HERC2: variants seen among roughly 807,000 people sequenced by gnomAD.
The protein encoded by HERC2 is HECT and RLD domain containing E3 ubiquitin protein ligase 2, also known as E3 ubiquitin-protein ligase HERC2.
Under a neutral mutation model 537.7 loss-of-function variants are expected in HERC2, and 102 were observed. The observed-to-expected ratio is 0.19, with a 90% CI of 0.16 to 0.22. The LOEUF (loss-of-function observed/expected upper bound fraction) is 0.22, where lower values mean the gene tolerates loss of function less well. Among genes scored for constraint, HERC2 ranks in the 10% least tolerant of loss-of-function variants. The pLI, the probability that HERC2 is intolerant of heterozygous loss-of-function variation, is 1.00. For missense variants in HERC2, 4,236 were observed against 6,198.2 expected, an observed-to-expected ratio of 0.68 and a Z score of 10.63; for synonymous variants, 2,224 against 2,466.2, an observed-to-expected ratio of 0.90 and a Z score of 2.91.
chr15:28,321,622 T>G (rs2077232131), intron 1 of HERC2, among the ~76,000 whole-genome samples, 158 bp from the exon 2 acceptor site: 2 of 121,976 alleles, frequency 1.6e-5, no homozygotes, highest in Admixed American at 7.9e-5. Context: ...AGGGAAGAGA[T>G]GGAGGGAGAG....
At chr15:28,233,825 C>G in intron 27 of HERC2, 29 bp from the exon 28 acceptor site, 1 of 1,611,300 alleles carries the variant, frequency 6.2e-7, no homozygotes, top group Non-Finnish European at 8.5e-7. Context: ...GAAGTAACTT[C>G]AGAGCCACCC....
intron 86 of HERC2, chr15:28,117,734 C>G (rs1888434064): frequency 5.5e-6 from 2 of 364,930 alleles, no homozygotes; most frequent in South Asian, 4.1e-5. Context: ...CACTCAGCCT[C>G]CCCAACACAG....
chr15:28,125,145 C>G lies in HERC2; in HGVS notation c.12851G>C (p.Gly4284Ala). 6.2e-7 allele frequency: 1 copy of G among 1,614,084 alleles called. No homozygotes were observed. Among genetic ancestry groups the G allele is most frequent in the Non-Finnish European group, 8.5e-7 (1 of 1,179,932 alleles). Reference sequence around the variant, plus strand: ...AGGCCTCTGGATGGCATTGGTGGTTCCGTCTCCCAGTTGTCCCTCATCATT... The same window carrying G: ...AGGCCTCTGGATGGCATTGGTGGTTGCGTCTCCCAGTTGTCCCTCATCATT... ...GDNDEGQLGD[G>A]TTNAIQRPRL... Residue 4284 changes from glycine (G) to alanine (A), a missense_variant, in exon 84 of 93, where the codon GGA becomes GCA. Coordinates refer to ENST00000261609, the MANE Select transcript of HERC2 (RefSeq NM_004667.6).
At chr15:28,281,181 C>A (rs2076011580) in intron 4 of HERC2, among the ~76,000 whole-genome samples, 2 of 152,094 alleles carry the variant, frequency 1.3e-5, no homozygotes, top group Admixed American at 1.3e-4. Flanking sequence ...ATTCTCTCTT[C>A]TTCTATGTAT....
chr15:28,307,574 A>G (rs1178212040), intron 2 of HERC2, among the ~76,000 whole-genome samples: 2 of 152,144 alleles, frequency 1.3e-5, no homozygotes, highest in Admixed American at 6.5e-5. Flanking sequence ...GAAACTGTTT[A>G]ATTTCACTCT....
At chr15:28,255,317 G>A (rs2075222407) in intron 19 of HERC2, among the ~76,000 whole-genome samples, 2 of 152,162 alleles carry the variant, frequency 1.3e-5, no homozygotes. Context: ...CTCGGTGACA[G>A]AGCAAGACGC....
intron 23 of HERC2, among the ~76,000 whole-genome samples, chr15:28,239,551 C>T (rs575367579): frequency 2.1e-5 from 3 of 146,128 alleles, no homozygotes; most frequent in East Asian, 2.0e-4. Flanking sequence ...ATAGAGGATA[C>T]GCAACACATG....
Position 28,169,581 on chromosome 15 carries a change from G to T in HERC2, c.10132C>A (p.Pro3378Thr). 1 of 1,614,050 alleles carries T rather than the reference G, an allele frequency of 6.2e-7. No individual in the cohort carries two copies. Among genetic ancestry groups the T allele is most frequent in the Non-Finnish European group, 8.5e-7 (1 of 1,179,958 alleles). ...SGASNSKPNRPSLAKILLSLD... is the reference protein window; with the variant it reads ...SGASNSKPNRTSLAKILLSLD... The stretch of plus-strand genomic sequence containing the variant: ...GACAAGAGAATCTTGGCAAGAGAAG[G>T]GCGATTTGGCTTAGAATTACTTGCA... Residue 3378 changes from proline (P) to threonine (T), a missense_variant, in exon 66 of 93, where the codon CCT (proline) becomes ACT (threonine). Around this residue, in one of 27 missense-constraint regions of HERC2, gnomAD observed 356 missense variants for 450.9 expected, o/e 0.79. Coordinates refer to ENST00000261609, the MANE Select transcript of HERC2 (RefSeq NM_004667.6).
chr15:28,114,115 C>T (rs1887960616), intron 90 of HERC2, among the ~76,000 whole-genome samples: 1 of 152,214 alleles, frequency 6.6e-6, no homozygotes, highest in Non-Finnish European at 1.5e-5. Context: ...CCACACGGGG[C>T]CTCACCCAGA....
At chr15:28,118,789 T>A (rs950808381) in intron 86 of HERC2, among the ~76,000 whole-genome samples, 1 of 152,236 alleles carries the variant, frequency 6.6e-6, no homozygotes, top group Non-Finnish European at 1.5e-5. Flanking sequence ...TTCTCCATGT[T>A]CATTTTTAGG....
intron 64 of HERC2, 29 bp downstream of exon 64, chr15:28,175,483 C>T (rs368092780): frequency 1.1e-4 from 171 of 1,587,644 alleles, no homozygotes; most frequent in Non-Finnish European, 1.3e-4. Flanking sequence ...CAGGATGGCA[C>T]GCCACCCCCA....
At chr15:28,175,085 C>T (rs1429703950) in intron 64 of HERC2, among the ~76,000 whole-genome samples, 1 of 151,720 alleles carries the variant, frequency 6.6e-6, no homozygotes, top group East Asian at 1.9e-4. Flanking sequence ...AATTGAATAT[C>T]CATAAGCCAG....
intron 69 of HERC2, among the ~76,000 whole-genome samples, chr15:28,156,515 CA>C (rs1893026774): frequency 6.6e-6 from 1 of 152,146 alleles, no homozygotes; most frequent in South Asian, 2.1e-4. Context: ...TTCTTTGAAG[CA>C]ATTGTGAATG....
At chr15:28,240,284 G>A (rs895768236) in intron 23 of HERC2, among the ~76,000 whole-genome samples, 12 of 152,180 alleles carry the variant, frequency 7.9e-5, no homozygotes, top group South Asian at 2.1e-4. Context: ...CGGGCGTGGT[G>A]GCAGGCGCCT....
Position 28,111,808 on chromosome 15 carries a change from G to T in HERC2, c.14460C>A (p.Asp4820Glu). ...CTTGTGTAGAGTCCGAAGCAAAGGAGTCGACATCCTCGTTATCTGAATCGT... is the reference window on the plus strand; with the variant it reads ...CTTGTGTAGAGTCCGAAGCAAAGGATTCGACATCCTCGTTATCTGAATCGT... Reference protein sequence around the residue: ...SSDDSDNEDVDSFASDSTQDY... With the variant: ...SSDDSDNEDVESFASDSTQDY... The change falls in exon 93 of 93, where the codon GAC (aspartate) becomes GAA (glutamate). Residue 4820 changes from aspartate (D) to glutamate (E), a missense_variant. Coordinates refer to ENST00000261609, the MANE Select transcript of HERC2 (RefSeq NM_004667.6). 6.2e-7 allele frequency: 1 copy of T among 1,614,188 alleles called. No individual in the cohort carries two copies. Among genetic ancestry groups the T allele is most frequent in the East Asian group, 2.2e-5 (1 of 44,878 alleles).
chr15:28,257,756 T>TA (rs1032473524), intron 16 of HERC2, among the ~76,000 whole-genome samples: 1 of 152,060 alleles, frequency 6.6e-6, no homozygotes, highest in Non-Finnish European at 1.5e-5. Flanking sequence ...TTTTTTTTTT[T>TA]TTTGAGACAG....
At chr15:28,321,731 C>T (rs2077235609) in intron 1 of HERC2, among the ~76,000 whole-genome samples, 1 of 132,050 alleles carries the variant, frequency 7.6e-6, no homozygotes, top group Non-Finnish European at 1.5e-5. Context: ...TCACAGGAAG[C>T]CAAGTCACAA....
At chr15:28,319,756 TAAAC>T (rs2077183159) in intron 2 of HERC2, among the ~76,000 whole-genome samples, 16 of 152,062 alleles carry the variant, frequency 1.1e-4, no homozygotes, top group Admixed American at 1.0e-3. Flanking sequence ...AATTCAGCAT[TAAAC>T]TGGTTTTAGA....
intron 23 of HERC2, among the ~76,000 whole-genome samples, chr15:28,244,235 T>C (rs1903433541): frequency 6.6e-6 from 1 of 152,116 alleles, no homozygotes; most frequent in Admixed American, 6.5e-5. Flanking sequence ...ACAAGTAGAA[T>C]GAATAGGTTG....
Sources: gnomAD v4.1 joint callset for allele counts (sites outside exome capture counted in the v4.1 genomes callset) on GRCh38, gnomAD v4.1.1 for gene constraint, gnomAD v4.1.1 regional missense constraint, MANE v1.5 for transcripts, NCBI Gene and HGNC (gene_info 2026-07-23, HGNC 2026-07-21) for gene names.